RAD18: variants seen among roughly 807,000 people sequenced by gnomAD.
RAD18 encodes the protein RAD18 E3 ubiquitin protein ligase, also known as E3 ubiquitin-protein ligase RAD18.
RAD18 carries 47 observed loss-of-function variants against 60.4 expected under a neutral mutation model. The ratio of observed to expected loss-of-function variants is 0.78; its 90% CI spans 0.62 to 0.99. RAD18 has a LOEUF of 0.99. Among genes scored for constraint, RAD18 ranks in the 50% least tolerant of loss-of-function variants. The pLI, the probability that RAD18 is intolerant of heterozygous loss-of-function variation, is 0.00. For synonymous variants in RAD18, 225 were observed against 195.5 expected (o/e 1.15, Z -1.26); for missense variants, 640 against 593.3 (o/e 1.08, Z -0.82).
In RAD18 at chr3:8,941,796, A is replaced by T. The variant is rs143654080; in HGVS notation, c.275T>A (p.Leu92Gln). ...TGGTGACTCTAAAGCAAACTGCAGCAGATGATTCCTTGAAGCACAAAGAAC... is the reference window on the plus strand; with the variant it reads ...TGGTGACTCTAAAGCAAACTGCAGCTGATGATTCCTTGAAGCACAAAGAAC... ...VKSLNFARNH[L>Q]LQFALESPAK... The change falls in exon 5 of 13, where the codon CTG becomes CAG. Residue 92 changes from leucine to glutamine, a missense_variant. Transcript: ENST00000264926. 1 of 1,609,416 alleles carries T rather than the reference A, an allele frequency of 6.2e-7. No homozygotes were observed. Among genetic ancestry groups the T allele is most frequent in the African/African-American group, 1.3e-5 (1 of 74,584 alleles).
chr3:8,912,183 C>G (rs974983642), intron 9 of RAD18, 129 bp downstream of exon 9: 5 of 724,200 alleles, frequency 6.9e-6, no homozygotes, highest in African/African-American at 1.9e-5. Context: ...AATTAAAATT[C>G]AATCTCTTAA....
intron 10 of RAD18, among the ~76,000 whole-genome samples, chr3:8,901,384 AG>A (rs1400229195): frequency 6.6e-6 from 1 of 152,250 alleles, no homozygotes; most frequent in African/African-American, 2.4e-5. Context: ...AAGAACCAAA[AG>A]GTGGAAATAA....
At chr3:8,897,301 G>T (rs551211026) in intron 11 of RAD18, among the ~76,000 whole-genome samples, 2 of 152,130 alleles carry the variant, frequency 1.3e-5, no homozygotes, top group East Asian at 3.9e-4. Flanking sequence ...AATAGAAATC[G>T]CTTACAACAC....
chr3:8,889,674 T>C (rs1939648431), intron 12 of RAD18, among the ~76,000 whole-genome samples: 1 of 152,084 alleles, frequency 6.6e-6, no homozygotes, highest in African/African-American at 2.4e-5. Context: ...AAGACATCTA[T>C]ATGATGAAGC....
intron 9 of RAD18, among the ~76,000 whole-genome samples, chr3:8,908,647 C>G (rs76989915): frequency 6.6e-6 from 1 of 152,072 alleles, no homozygotes; most frequent in Non-Finnish European, 1.5e-5. Context: ...TTAAGCCATG[C>G]GGTCTGCATG....
chr3:8,894,611 T>A (rs1939753597), intron 11 of RAD18, among the ~76,000 whole-genome samples: 1 of 152,150 alleles, frequency 6.6e-6, no homozygotes, highest in African/African-American at 2.4e-5. Flanking sequence ...CAAGGAAGAC[T>A]GACTGCTAGG....
chr3:8,935,072 G>C (rs903013432), intron 7 of RAD18, among the ~76,000 whole-genome samples: 1 of 152,180 alleles, frequency 6.6e-6, no homozygotes, highest in Admixed American at 6.5e-5. Flanking sequence ...TGAATGGGAG[G>C]GGGCAGATAG....
At chr3:8,921,493 C>G (rs960014239) in intron 7 of RAD18, among the ~76,000 whole-genome samples, 1 of 152,034 alleles carries the variant, frequency 6.6e-6, no homozygotes, top group Non-Finnish European at 1.5e-5. Flanking sequence ...CTCTACAAAA[C>G]AAACAAACAA....
intron 10 of RAD18, among the ~76,000 whole-genome samples, chr3:8,900,863 G>A (rs1366287982): frequency 1.3e-5 from 2 of 151,990 alleles, no homozygotes; most frequent in Admixed American, 6.6e-5. Context: ...TCTGAACCCC[G>A]GAAAGAGTAA....
intron 7 of RAD18, among the ~76,000 whole-genome samples, chr3:8,924,977 A>G (rs1434608310): frequency 6.6e-6 from 1 of 152,188 alleles, no homozygotes; most frequent in Non-Finnish European, 1.5e-5. Context: ...TAAAATTGAC[A>G]TCCTAACATC....
rs1486692789 is a variant in RAD18, at chr3:8,880,306, T to C, written c.*1051A>G. ...CATAAATGTTGAATCTGGCAAATCATAAATTTCTTGTCTTAACATTGCCGC... is the reference window on the plus strand; with the variant it reads ...CATAAATGTTGAATCTGGCAAATCACAAATTTCTTGTCTTAACATTGCCGC... On this transcript the variant is annotated 3_prime_UTR_variant, in exon 13 of 13. Coordinates refer to ENST00000264926, the MANE Select transcript of RAD18 (RefSeq NM_020165.4). 6.6e-6 allele frequency: 1 copy of C among 152,202 alleles called. No homozygotes were observed. Among genetic ancestry groups the C allele is most frequent in the African/African-American group, 2.4e-5 (1 of 41,464 alleles). The allele number at this position is 152,202 out of a possible 1,614,324, so 9.4% of individuals were successfully genotyped here.
At chr3:8,960,783 A>G (rs1941083926) in intron 1 of RAD18, among the ~76,000 whole-genome samples, 1 of 152,174 alleles carries the variant, frequency 6.6e-6, no homozygotes, top group African/African-American at 2.4e-5. Context: ...ACAAAAACCA[A>G]AGGAAAATAA....
chr3:8,885,195 T>G (rs143057434), intron 12 of RAD18, among the ~76,000 whole-genome samples: 16 of 152,188 alleles, frequency 1.1e-4, no homozygotes, highest in Non-Finnish European at 2.1e-4. Flanking sequence ...TTGCCTCATG[T>G]TGATTAAAGA....
chr3:8,959,490 G>A (rs1941062606), intron 1 of RAD18, among the ~76,000 whole-genome samples: 1 of 152,208 alleles, frequency 6.6e-6, no homozygotes, highest in Non-Finnish European at 1.5e-5. Flanking sequence ...TCAAAAGCAG[G>A]CACACAATAG....
At chr3:8,891,089 T>C (rs1420063483) in intron 11 of RAD18, among the ~76,000 whole-genome samples, 3 of 149,932 alleles carry the variant, frequency 2.0e-5, no homozygotes, top group African/African-American at 4.9e-5. Context: ...TATATATATA[T>C]ATATATATCT....
At chr3:8,930,112 A>C (rs1341697957) in intron 7 of RAD18, among the ~76,000 whole-genome samples, 1 of 152,204 alleles carries the variant, frequency 6.6e-6, no homozygotes, top group Non-Finnish European at 1.5e-5. Context: ...CGACATAAAA[A>C]TTTGTACATA....
rs1364756272 is a variant in RAD18, at chr3:8,880,032, C to T, written c.*1325G>A. ...CTCACTTACCTCACATCAGTTCTGC[C>T]GATAGATTTGGTAAGTGGTGCTTTT... is the stretch of plus-strand genomic sequence containing the variant. On this transcript the variant is annotated 3_prime_UTR_variant, in exon 13 of 13. Coordinates refer to ENST00000264926, the MANE Select transcript of RAD18 (RefSeq NM_020165.4). 1 of 152,148 alleles carries T rather than the reference C, an allele frequency of 6.6e-6. No individual in the cohort carries two copies. The highest frequency in any genetic ancestry group is 2.4e-5 in the African/African-American group (1 of 41,440). 9.4% of individuals were successfully genotyped at this position (152,148 alleles called of 1,614,324 possible).
intron 9 of RAD18, among the ~76,000 whole-genome samples, chr3:8,909,710 G>A (rs1036992386): frequency 6.6e-6 from 1 of 152,138 alleles, no homozygotes; most frequent in Non-Finnish European, 1.5e-5. Context: ...GTTATGTATG[G>A]AATGTTATAT....
intron 12 of RAD18, among the ~76,000 whole-genome samples, chr3:8,888,261 T>C (rs1213470900): frequency 1.3e-5 from 2 of 152,216 alleles, no homozygotes; most frequent in African/African-American, 4.8e-5. Context: ...GCCTCTCCTG[T>C]GTCTCGTGGC....
Sources: allele counts gnomAD v4.1 joint callset (sites outside exome capture counted in the v4.1 genomes callset), GRCh38; gene constraint gnomAD v4.1.1; transcripts MANE v1.5; gene names NCBI Gene and HGNC (gene_info 2026-07-23, HGNC 2026-07-21).